Variants in ARB2A observed in about 807,000 individuals in gnomAD.
ARB2A encodes cotranscriptional regulator ARB2A.
At chr5:94,075,302 T>A in the ARB2A span, among the ~76,000 whole-genome samples, 1 of 151,856 alleles carries the variant, frequency 6.6e-6, no homozygotes, top group African/African-American at 2.4e-5. Flanking sequence ...CAGGGAAAAA[T>A]TAGCCCTTTT....
At chr5:93,714,925 T>C in the ARB2A span, among the ~76,000 whole-genome samples, 1 of 152,192 alleles carries the variant, frequency 6.6e-6, no homozygotes, top group South Asian at 2.1e-4. Context: ...AGTAAAATCA[T>C]CTTACATATT....
the ARB2A span, among the ~76,000 whole-genome samples, chr5:93,924,102 T>C: frequency 5.9e-5 from 9 of 152,126 alleles, no homozygotes; most frequent in African/African-American, 1.4e-4. Context: ...ACTATGAAGA[T>C]AGACTGGACA....
chr5:93,974,851 A>G, the ARB2A span, among the ~76,000 whole-genome samples: 6 of 152,194 alleles, frequency 3.9e-5, no homozygotes, highest in South Asian at 4.1e-4. Flanking sequence ...CAAACTATAT[A>G]TGGATATCAT....
At chr5:93,818,854 G>A in the ARB2A span, among the ~76,000 whole-genome samples, 24 of 152,184 alleles carry the variant, frequency 1.6e-4, no homozygotes, top group Non-Finnish European at 2.4e-4. Flanking sequence ...TTTAAATGCA[G>A]AGTAGGGAGA....
the ARB2A span, among the ~76,000 whole-genome samples, chr5:93,855,704 T>C: frequency 2.0e-5 from 3 of 152,202 alleles, no homozygotes; most frequent in Non-Finnish European, 4.4e-5. Flanking sequence ...ATTTTATTTC[T>C]CCTTCACTTA....
the ARB2A span, among the ~76,000 whole-genome samples, chr5:93,802,937 C>T: frequency 1.3e-5 from 2 of 152,064 alleles, no homozygotes; most frequent in Admixed American, 6.6e-5. Context: ...TTACATATAA[C>T]AGTATTTCGC....
At chr5:94,095,779 T>C in the ARB2A span, among the ~76,000 whole-genome samples, 1 of 152,120 alleles carries the variant, frequency 6.6e-6, no homozygotes, top group Non-Finnish European at 1.5e-5. Flanking sequence ...AAGGTTAATA[T>C]CCTCAAATAT....
the ARB2A span, chr5:93,683,271 T>C: frequency 1.2e-5 from 19 of 1,594,368 alleles, no homozygotes; most frequent in Non-Finnish European, 1.5e-5. Context: ...TGTGGAACCT[T>C]GCTACCACCT....
chr5:94,069,238 C>A, the ARB2A span, among the ~76,000 whole-genome samples: 1 of 152,006 alleles, frequency 6.6e-6, no homozygotes, highest in African/African-American at 2.4e-5. Context: ...AATATCTATA[C>A]GTAGAAGAAT....
chr5:93,650,529 A>G, the ARB2A span, among the ~76,000 whole-genome samples: 13 of 152,186 alleles, frequency 8.5e-5, no homozygotes. Context: ...GTGAGGCAGT[A>G]TAAAATCAAC....
chr5:93,767,877 C>G, the ARB2A span, among the ~76,000 whole-genome samples: 2 of 150,830 alleles, frequency 1.3e-5, no homozygotes, highest in Admixed American at 1.3e-4. Context: ...ACCTGTAGTC[C>G]CAGCTACTCG....
At chr5:93,846,663 A>G in the ARB2A span, among the ~76,000 whole-genome samples, 3 of 152,184 alleles carry the variant, frequency 2.0e-5, no homozygotes, top group Non-Finnish European at 4.4e-5. Flanking sequence ...TAAACTAAAA[A>G]CATCTTGAAA....
At chr5:93,933,851 T>C in the ARB2A span, among the ~76,000 whole-genome samples, 1 of 151,066 alleles carries the variant, frequency 6.6e-6, no homozygotes. Context: ...CAAAAAAATA[T>C]AAAAATTAGC....
chr5:93,768,278 A>G, the ARB2A span, among the ~76,000 whole-genome samples: 1 of 151,336 alleles, frequency 6.6e-6, no homozygotes, highest in Non-Finnish European at 1.5e-5. Flanking sequence ...GTGCACCAAA[A>G]CCTCACTAAT....
chr5:93,762,635 T>C, the ARB2A span, among the ~76,000 whole-genome samples: 3 of 151,032 alleles, frequency 2.0e-5, no homozygotes, highest in Non-Finnish European at 1.5e-5. Flanking sequence ...CTGCGGGATA[T>C]TATCCAAGAG....
the ARB2A span, among the ~76,000 whole-genome samples, chr5:93,854,735 C>T: frequency 6.6e-6 from 1 of 152,174 alleles, no homozygotes; most frequent in Non-Finnish European, 1.5e-5. Context: ...CATTCAGGAG[C>T]AGGTTGTTCA....
chr5:94,106,489 G>A, the ARB2A span, among the ~76,000 whole-genome samples: 1 of 152,124 alleles, frequency 6.6e-6, no homozygotes, highest in African/African-American at 2.4e-5. Context: ...CTGCTGATGA[G>A]GTTGTGGAGA....
chr5:93,960,942 G>T, the ARB2A span, among the ~76,000 whole-genome samples: 1 of 152,014 alleles, frequency 6.6e-6, no homozygotes, highest in Non-Finnish European at 1.5e-5. Flanking sequence ...AAGATAAGTG[G>T]ATGACAGACA....
the ARB2A span, among the ~76,000 whole-genome samples, chr5:93,947,198 G>A: frequency 6.6e-6 from 1 of 152,148 alleles, no homozygotes; most frequent in Non-Finnish European, 1.5e-5. Context: ...CTATATGGCA[G>A]TATTACGCTT....
Sources: gnomAD v4.1 joint callset for allele counts (sites outside exome capture counted in the v4.1 genomes callset) on GRCh38, gnomAD v4.1.1 for gene constraint, MANE v1.5 for transcripts, NCBI Gene and HGNC (gene_info 2026-07-23, HGNC 2026-07-21) for gene names.